The following CACNA1A variants were observed in gnomAD, a reference collection of about 807,000 sequenced individuals.
CACNA1A encodes the protein calcium voltage-gated channel subunit alpha1 A, also known as voltage-dependent P/Q-type calcium channel subunit alpha-1A.
In CACNA1A, 57 loss-of-function variants were observed where a neutral mutation model predicts 262.4. That is an observed-to-expected ratio of 0.22 (90% CI 0.18 to 0.27). The LOEUF is 0.27. Ranked by LOEUF, CACNA1A falls within the 10% of genes least tolerant of loss-of-function variation. The pLI, the probability that CACNA1A is intolerant of heterozygous loss-of-function variation, is 1.00. For missense variants in CACNA1A, 2,526 were observed against 3,562.8 expected (o/e 0.71, Z 7.41); for synonymous variants, 1,431 against 1,419.3 (o/e 1.01, Z -0.18).
At chr19:13,398,601 G>C (rs535848667) in intron 3 of CACNA1A, among the ~76,000 whole-genome samples, 1 of 152,340 alleles carries the variant, frequency 6.6e-6, no homozygotes, top group South Asian at 2.1e-4. Flanking sequence ...TATAGTAGAT[G>C]CAAGCTCTGG....
At chr19:13,256,908 G>A (rs2056587106) in intron 28 of CACNA1A, 1 of 157,850 alleles carries the variant, frequency 6.3e-6, no homozygotes, top group Non-Finnish European at 1.4e-5. Flanking sequence ...GAGCAGAAGT[G>A]ACATGTGTAA....
chr19:13,297,849 C>CA (rs1446103214), intron 19 of CACNA1A, among the ~76,000 whole-genome samples: 1 of 150,688 alleles, frequency 6.6e-6, no homozygotes, highest in Non-Finnish European at 1.5e-5. Context: ...TTTTTTGAGA[C>CA]AGAGTCTTGC....
intron 3 of CACNA1A, among the ~76,000 whole-genome samples, chr19:13,437,512 G>A (rs1226701050): frequency 2.6e-5 from 4 of 151,856 alleles, no homozygotes; most frequent in East Asian, 1.9e-4. Context: ...CCAACATGGC[G>A]AAACCCTGTC....
rs1224711338 is a variant in CACNA1A, at chr19:13,241,262, C to T, written c.4950+3920G>A. Among the ~76,000 whole-genome samples, 2 of 152,092 alleles carry T rather than the reference C, an allele frequency of 1.3e-5. No individual in the cohort carries two copies. The highest frequency in any genetic ancestry group is 2.4e-5 in the African/African-American group (1 of 41,392). Reference sequence around the variant, plus strand: ...CTGCGCTGGGAAAACCCATCCCTTTCTCTGCAAAAGACGCAAACCACCCCA... The same window carrying T: ...CTGCGCTGGGAAAACCCATCCCTTTTTCTGCAAAAGACGCAAACCACCCCA... On this transcript the variant is annotated intron_variant, in intron 31 of 46. Coordinates refer to ENST00000360228, the MANE Select transcript of CACNA1A (RefSeq NM_001127222.2). The surrounding 1 kb of genome is among the most constrained non-coding windows in gnomAD (Gnocchi z 4.0).
chr19:13,465,625 C>A (rs1414026014), intron 1 of CACNA1A, among the ~76,000 whole-genome samples: 6 of 152,152 alleles, frequency 3.9e-5, no homozygotes, highest in Non-Finnish European at 7.3e-5. Flanking sequence ...GCTGGGACTA[C>A]AGGCACATGT....
At chr19:13,266,906 C>T (rs1304477538) in intron 24 of CACNA1A, among the ~76,000 whole-genome samples, 2 of 152,216 alleles carry the variant, frequency 1.3e-5, no homozygotes, top group African/African-American at 4.8e-5. Context: ...CTGCTCCACC[C>T]AGCTTGCCTA....
At position 13,212,360 on chromosome 19, in the gene CACNA1A, T is replaced by TG; in HGVS notation, c.6189+23dup. The TG allele has an allele frequency of 6.2e-7, 1 of 1,612,996 alleles. No individual in the cohort carries two copies. Among genetic ancestry groups the TG allele is most frequent in the Non-Finnish European group, 8.5e-7 (1 of 1,179,574 alleles). Reference sequence around the variant, plus strand: ...GAACCACCCGGGCCCTGGGAGCCATTGGGGAGTTGGGGGACAGAGGCACCT... The same window carrying TG: ...GAACCACCCGGGCCCTGGGAGCCATTGGGGGAGTTGGGGGACAGAGGCACCT... On this transcript the variant is annotated intron_variant, in intron 42 of 46. Transcript: ENST00000360228. This position sits in a 1 kb window ranked among gnomAD's most constrained non-coding sequence, Gnocchi z 5.6.
At chr19:13,279,331 A>G (rs2057228589) in intron 22 of CACNA1A, among the ~76,000 whole-genome samples, 1 of 152,104 alleles carries the variant, frequency 6.6e-6, no homozygotes, top group African/African-American at 2.4e-5. Flanking sequence ...GATCTCATTC[A>G]TTACAGGGAA....
chr19:13,433,460 CA>C (rs533297364), intron 3 of CACNA1A, among the ~76,000 whole-genome samples: 766 of 76,166 alleles, frequency 0.01, 9 homozygotes, highest in Non-Finnish European at 0.015. Flanking sequence ...GACGCTGTCT[CA>C]AAAAAAAAAA....
chr19:13,336,602 A>AGGGAGG (rs55680041), intron 6 of CACNA1A, among the ~76,000 whole-genome samples: 2 of 116,060 alleles, frequency 1.7e-5, no homozygotes, highest in Middle Eastern at 4.3e-3. Flanking sequence ...AGGGAGAGAG[A>AGGGAGG]GAGAGAGAGA....
intron 10 of CACNA1A, 38 bp from the exon 11 acceptor site, chr19:13,317,359 G>C (rs778310320): frequency 2.0e-6 from 3 of 1,531,246 alleles, no homozygotes; most frequent in East Asian, 4.6e-5. Flanking sequence ...GGCTCAGGCT[G>C]TTCCTTCAGA....
Position 13,298,701 on chromosome 19 carries a change from G to A in CACNA1A, c.2932C>T (p.Arg978Trp), listed in dbSNP as rs1361244265. The change falls in exon 19 of 47, where the codon CGG (arginine) becomes TGG (tryptophan). Residue 978 changes from arginine (R) to tryptophan (W), a missense_variant. Coordinates refer to ENST00000360228, the MANE Select transcript of CACNA1A (RefSeq NM_001127222.2). ...GCCGGCCGGCTGCCCTCGCGGTGCC[G>A]CGCCCTCCGCTCCGCCTTGTCCTCC... Reference protein sequence around the residue: ...GPEDKAERRARHREGSRPARG... With the variant: ...GPEDKAERRAWHREGSRPARG... The A allele has an allele frequency of 6.9e-6, 10 of 1,459,412 alleles. No homozygotes were observed. In the Admixed American group the frequency reaches 8.5e-5, roughly 12 times the overall value. 90.4% of individuals were successfully genotyped at this position (1,459,412 alleles called of 1,614,324 possible).
intron 1 of CACNA1A, among the ~76,000 whole-genome samples, chr19:13,501,365 G>A (rs1415139775): frequency 1.3e-5 from 2 of 151,826 alleles, no homozygotes; most frequent in African/African-American, 2.4e-5. Flanking sequence ...TAGTAGAGAC[G>A]GGGTTTCACC....
At chr19:13,411,359 C>A (rs138241894) in intron 3 of CACNA1A, among the ~76,000 whole-genome samples, 1 of 152,104 alleles carries the variant, frequency 6.6e-6, no homozygotes, top group African/African-American at 2.4e-5. Context: ...TCAAGGGCGG[C>A]GCCAGGTGGA....
intron 6 of CACNA1A, among the ~76,000 whole-genome samples, chr19:13,349,007 CAAAAA>C (rs60884577): frequency 6.7e-5 from 4 of 59,672 alleles, no homozygotes; most frequent in East Asian, 1.1e-3. Context: ...GACGCTGTCT[CAAAAA>C]AAAAAAAAAA....
At chr19:13,311,975 C>A (rs2058044744) in intron 12 of CACNA1A, among the ~76,000 whole-genome samples, 1 of 152,222 alleles carries the variant, frequency 6.6e-6, no homozygotes, top group African/African-American at 2.4e-5. Context: ...ACCTTAATTT[C>A]ACTTCCAGCT....
At chr19:13,458,067 G>A (rs1286420280) in intron 1 of CACNA1A, among the ~76,000 whole-genome samples, 2 of 152,140 alleles carry the variant, frequency 1.3e-5, no homozygotes, top group Non-Finnish European at 2.9e-5. Context: ...GCTGCTTAAT[G>A]TTTTAGAACT....
intron 18 of CACNA1A, 34 bp downstream of exon 18, chr19:13,300,516 C>A: frequency 6.9e-7 from 1 of 1,449,070 alleles, no homozygotes; most frequent in Non-Finnish European, 9.7e-7. Context: ...CGTTCAGGAG[C>A]CAGGGTAGCA....
At chr19:13,211,237 G>C (rs1469445381) in intron 43 of CACNA1A, 1 of 156,392 alleles carries the variant, frequency 6.4e-6, no homozygotes, top group Non-Finnish European at 1.4e-5. Context: ...CACACGGAAA[G>C]CTCGCCACAG....
Sources: gnomAD v4.1 joint callset for allele counts (sites outside exome capture counted in the v4.1 genomes callset) on GRCh38, gnomAD v4.1.1 for gene constraint, Gnocchi (gnomAD v3.1) non-coding constraint, MANE v1.5 for transcripts, NCBI Gene and HGNC (gene_info 2026-07-23, HGNC 2026-07-21) for gene names.